GLT1D1: variants seen among roughly 807,000 people sequenced by gnomAD.
GLT1D1 encodes glycosyltransferase 1 domain-containing protein 1.
A neutral mutation model predicts 28.7 loss-of-function variants in GLT1D1; 21 were observed. That is an observed-to-expected ratio of 0.73 (90% CI 0.52 to 1.05). GLT1D1 has a LOEUF of 1.05. GLT1D1 is among the 50% of genes least tolerant of loss of function. The pLI is 0.00. For synonymous variants in GLT1D1, 147 were observed against 124.8 expected (o/e 1.18, Z -1.19); for missense variants, 343 against 330.6 (o/e 1.04, Z -0.29).
chr12:128,975,975 G>A (rs1377207522), intron 7 of GLT1D1, among the ~76,000 whole-genome samples: 1 of 152,164 alleles, frequency 6.6e-6, no homozygotes, highest in African/African-American at 2.4e-5. Context: ...ATCAACGTAC[G>A]CTGGCAGTCG....
intron 1 of GLT1D1, among the ~76,000 whole-genome samples, chr12:128,874,119 TCTCTC>T (rs1566091386): frequency 1.3e-3 from 85 of 66,336 alleles, no homozygotes; most frequent in African/African-American, 4.8e-3. Flanking sequence ...TCTCTCTCTC[TCTCTC>T]TCTTTCTTTC....
intron 4 of GLT1D1, among the ~76,000 whole-genome samples, chr12:128,922,922 C>CAAAA (rs149775593): frequency 6.1e-5 from 6 of 97,590 alleles, no homozygotes; most frequent in Admixed American, 1.2e-4. Flanking sequence ...GACTCCATCT[C>CAAAA]AAAAAAAAAA....
At chr12:128,957,520 C>G (rs139602920) in intron 6 of GLT1D1, 25 bp from the exon 11 acceptor site, 4 of 1,525,630 alleles carry the variant, frequency 2.6e-6, no homozygotes, top group Non-Finnish European at 3.6e-6. Flanking sequence ...CTGCCTTCCA[C>G]CCCCTTTTCT....
chr12:128,972,935 T>C (rs1233874123), intron 7 of GLT1D1, among the ~76,000 whole-genome samples: 1 of 152,150 alleles, frequency 6.6e-6, no homozygotes, highest in African/African-American at 2.4e-5. Flanking sequence ...ATATTTAAGA[T>C]CCACTGACTT....
At chr12:128,958,819 T>TA (rs780856988) in intron 7 of GLT1D1, among the ~76,000 whole-genome samples, 142 of 123,496 alleles carry the variant, frequency 1.1e-3, no homozygotes, top group Non-Finnish European at 2.0e-3. Context: ...TAGGCAGTAG[T>TA]AAATAAAAAT....
intron 6 of GLT1D1, among the ~76,000 whole-genome samples, chr12:128,956,177 A>AAAAAAAAAAAAG (rs1877285276): frequency 7.5e-5 from 6 of 80,338 alleles, no homozygotes; most frequent in Non-Finnish European, 2.0e-4. Context: ...AAAAAAGAGA[A>AAAAAAAAAAAAG]AGAGAGAAAG....
chr12:128,871,912 T>C (rs1449381588), intron 1 of GLT1D1, among the ~76,000 whole-genome samples: 1 of 151,934 alleles, frequency 6.6e-6, no homozygotes, highest in Non-Finnish European at 1.5e-5. Flanking sequence ...ATTTAAGAGA[T>C]TTTCAAGGGT....
At position 128,888,696 on chromosome 12, in the gene GLT1D1, A is replaced by G. The variant is rs756550857; in HGVS notation, c.275A>G (p.Asn92Ser). The G allele has an allele frequency of 6.2e-6, 10 of 1,614,050 alleles. No homozygotes were observed. The South Asian group carries it at 1.1e-4, about 18-fold the overall frequency. ...GGAACTGATGTAAATGAAGATGCCA[A>G]CCAGGCGGAAAAAAACACAGTCATG... is the stretch of plus-strand genomic sequence containing the variant. Residue 92 changes from asparagine (N) to serine (S), a missense_variant, in exon 3 of 8, where the codon AAC becomes AGC. Asn to Ser is a conservative substitution (Grantham distance 46). Coordinates refer to ENST00000281703, the MANE Select transcript of GLT1D1 (RefSeq NM_144669.3).
chr12:128,956,796 G>C (rs149009642), intron 6 of GLT1D1, among the ~76,000 whole-genome samples: 33 of 152,254 alleles, frequency 2.2e-4, no homozygotes, highest in African/African-American at 6.3e-4. Flanking sequence ...GTTACCATCT[G>C]TTACAATCAT....
intron 2 of GLT1D1, among the ~76,000 whole-genome samples, chr12:128,880,429 GT>G (rs1309702700): frequency 6.6e-6 from 1 of 152,166 alleles, no homozygotes; most frequent in Non-Finnish European, 1.5e-5. Context: ...CCTAGTTGTT[GT>G]CCATATGGAA....
chr12:128,905,478 A>G (rs113078239), intron 4 of GLT1D1, among the ~76,000 whole-genome samples: 65 of 152,346 alleles, frequency 4.3e-4, no homozygotes, highest in African/African-American at 1.5e-3. Context: ...AGTGAACTTC[A>G]GCCCCCAGGG....
intron 2 of GLT1D1, among the ~76,000 whole-genome samples, chr12:128,883,588 T>C (rs1430841337): frequency 6.6e-5 from 6 of 91,110 alleles, no homozygotes; most frequent in Non-Finnish European, 8.0e-5. Flanking sequence ...AGACTCCATC[T>C]CAAAAAAAAA....
At chr12:128,927,257 G>T in intron 4 of GLT1D1, 103 bp downstream of exon 8, 1 of 934,152 alleles carries the variant, frequency 1.1e-6, no homozygotes, top group South Asian at 1.4e-5. Context: ...TTATTTTTTT[G>T]AGACGGAGTC....
At chr12:128,914,697 A>G (rs901032222) in intron 4 of GLT1D1, among the ~76,000 whole-genome samples, 7 of 151,798 alleles carry the variant, frequency 4.6e-5, no homozygotes, top group African/African-American at 9.7e-5. Context: ...GCGGGCGCCT[A>G]TACTCCCAGC....
chr12:128,863,629 C>A (rs573418249), intron 1 of GLT1D1, among the ~76,000 whole-genome samples: 29 of 152,172 alleles, frequency 1.9e-4, no homozygotes, highest in African/African-American at 5.8e-4. Context: ...TCACTCGCCT[C>A]GGCCTTCCAA....
At position 128,887,135 on chromosome 12, in the gene GLT1D1, C is replaced by T. The variant is rs58324967; in HGVS notation, c.218-1504C>T. ...CAAGTGATTCTCATGCCTCAGCCTTCGGAGTAGGTCGGATTACAGGTGTGC... is the reference window on the plus strand; with the variant it reads ...CAAGTGATTCTCATGCCTCAGCCTTTGGAGTAGGTCGGATTACAGGTGTGC... On this transcript the variant is annotated intron_variant, in intron 2 of 7. Transcript: ENST00000281703. Among the ~76,000 whole-genome samples, 678 of 151,940 alleles carry T rather than the reference C, an allele frequency of 4.5e-3. 7 individuals are homozygous for T. The highest frequency in any genetic ancestry group is 0.014 in the African/African-American group (575 of 41,418).
In GLT1D1 at chr12:128,853,610, G is replaced by A. The variant is rs751460618; in HGVS notation, c.29G>A (p.Arg10Gln). ...CGGCTCCTGTTCCTGGCGGTGCTGCGGCCACACACCGGCAACGCGGTCACG... is the reference window on the plus strand; with the variant it reads ...CGGCTCCTGTTCCTGGCGGTGCTGCAGCCACACACCGGCAACGCGGTCACG... The change falls in exon 1 of 8, where the codon CGG becomes CAG. Residue 10 changes from arginine to glutamine, a missense_variant. By Grantham distance (43) the Arg-to-Gln change is conservative. Coordinates refer to ENST00000281703, the MANE Select transcript of GLT1D1 (RefSeq NM_144669.3). 8.5e-7 allele frequency: 1 copy of A among 1,178,260 alleles called. No individual in the cohort carries two copies. The highest frequency in any genetic ancestry group is 1.6e-5 in the African/African-American group (1 of 61,502). The allele number at this position is 1,178,260 out of a possible 1,614,324, so 73.0% of individuals were successfully genotyped here.
At chr12:128,900,576 A>C (rs1222901374) in intron 4 of GLT1D1, among the ~76,000 whole-genome samples, 1 of 152,134 alleles carries the variant, frequency 6.6e-6, no homozygotes, top group Non-Finnish European at 1.5e-5. Flanking sequence ...ATGACTTGTC[A>C]ATCTCAGTAT....
At chr12:128,975,474 G>A (rs142097412) in intron 7 of GLT1D1, among the ~76,000 whole-genome samples, 59 of 151,670 alleles carry the variant, frequency 3.9e-4, no homozygotes, top group African/African-American at 1.4e-3. Flanking sequence ...CTTTTGAGAC[G>A]GGGTCTCACT....
Sources: allele counts gnomAD v4.1 joint callset (sites outside exome capture counted in the v4.1 genomes callset), GRCh38; gene constraint gnomAD v4.1.1; transcripts MANE v1.5; gene names NCBI Gene and HGNC (gene_info 2026-07-23, HGNC 2026-07-21).